Variants in UBE2G1 observed in about 807,000 individuals in gnomAD.
UBE2G1 encodes ubiquitin conjugating enzyme E2 G1, also known as ubiquitin-conjugating enzyme E2 G1.
UBE2G1 carries 5 observed loss-of-function variants against 22.7 expected under a neutral mutation model. That is an observed-to-expected ratio of 0.22 (90% confidence interval 0.12 to 0.46). The LOEUF is 0.46. UBE2G1 is among the 20% of genes least tolerant of loss of function. UBE2G1 has a pLI of 0.99. For missense variants in UBE2G1, 88 were observed against 203.9 expected (o/e 0.43, Z 3.46); for synonymous variants, 74 against 67.5 (o/e 1.10, Z -0.47).
At chr17:4,307,207 GT>G in intron 1 of UBE2G1, 84 bp from the exon 2 acceptor site, 2 of 1,185,708 alleles carry the variant, frequency 1.7e-6, no homozygotes, top group Non-Finnish European at 2.5e-6. Context: ...GAGCGTACAT[GT>G]TTTATGTAAG....
intron 1 of UBE2G1, among the ~76,000 whole-genome samples, chr17:4,346,726 G>A (rs1374638082): frequency 2.6e-5 from 4 of 151,544 alleles, no homozygotes; most frequent in Middle Eastern, 3.2e-3. Context: ...GAGCCACCGC[G>A]TCCAGCTCCA....
chr17:4,276,260 C>T (rs926934146), intron 5 of UBE2G1, among the ~76,000 whole-genome samples: 2 of 152,060 alleles, frequency 1.3e-5, no homozygotes, highest in African/African-American at 2.4e-5. Context: ...GTGCAATCTC[C>T]GCCTCCCAGG....
rs560367670 is a variant in UBE2G1, at chr17:4,272,495, G to A, written c.*59C>T. The A allele has an allele frequency of 3.2e-5, 6 of 186,604 alleles. No individual in the cohort carries two copies. The highest frequency in any genetic ancestry group is 4.8e-5 in the African/African-American group (2 of 41,548). 11.6% of individuals were successfully genotyped at this position (186,604 alleles called of 1,614,324 possible). ...GTGGGTAGAGTGCAGGAAAAACAGT[G>A]CCATGTTTCTCAATTGGAGACCTAC... On this transcript the variant is annotated 3_prime_UTR_variant, in exon 6 of 6. Transcript: ENST00000396981.
chr17:4,315,717 G>T (rs1392556530), intron 1 of UBE2G1, among the ~76,000 whole-genome samples: 1 of 149,628 alleles, frequency 6.7e-6, no homozygotes, highest in Non-Finnish European at 1.5e-5. Flanking sequence ...TCCAGCCTGG[G>T]CGAAAGAGCG....
chr17:4,359,871 A>C (rs1448194395), intron 1 of UBE2G1, among the ~76,000 whole-genome samples: 39 of 150,214 alleles, frequency 2.6e-4, no homozygotes, highest in Non-Finnish European at 3.4e-4. Context: ...AAAAAAACAA[A>C]CAAAAAAAAA....
chr17:4,323,080 C>T (rs111894936), intron 1 of UBE2G1, among the ~76,000 whole-genome samples: 1 of 152,112 alleles, frequency 6.6e-6, no homozygotes, highest in African/African-American at 2.4e-5. Context: ...ACAAACTTTC[C>T]CCCAATGAAT....
intron 1 of UBE2G1, among the ~76,000 whole-genome samples, chr17:4,351,125 G>T (rs1411893939): frequency 1.3e-5 from 2 of 151,956 alleles, no homozygotes; most frequent in African/African-American, 2.4e-5. Flanking sequence ...CCTCTGCCCA[G>T]GAGGCAGAGG....
At chr17:4,348,583 G>A (rs1224829098) in intron 1 of UBE2G1, among the ~76,000 whole-genome samples, 1 of 149,160 alleles carries the variant, frequency 6.7e-6, no homozygotes, top group Non-Finnish European at 1.5e-5. Context: ...TAAAGAACAG[G>A]CCGGGGGCAA....
At chr17:4,340,826 T>C (rs1306209288) in intron 1 of UBE2G1, among the ~76,000 whole-genome samples, 3 of 150,732 alleles carry the variant, frequency 2.0e-5, no homozygotes, top group Non-Finnish European at 4.4e-5. Flanking sequence ...CAGGCTGGTC[T>C]TGAACTCCTG....
intron 1 of UBE2G1, among the ~76,000 whole-genome samples, chr17:4,358,432 A>T (rs565497600): frequency 1.1e-4 from 16 of 151,348 alleles, no homozygotes; most frequent in Non-Finnish European, 1.5e-4. Flanking sequence ...CACCTGTCTA[A>T]TTTTGCCCAT....
intron 1 of UBE2G1, among the ~76,000 whole-genome samples, chr17:4,315,557 C>G (rs372361355): frequency 6.6e-6 from 1 of 151,362 alleles, no homozygotes; most frequent in South Asian, 2.1e-4. Flanking sequence ...TGGCTAACAC[C>G]GTGAAACCCC....
At chr17:4,276,146 C>G (rs1198653778) in intron 5 of UBE2G1, among the ~76,000 whole-genome samples, 1 of 152,164 alleles carries the variant, frequency 6.6e-6, no homozygotes, top group Non-Finnish European at 1.5e-5. Context: ...TCTATCCTAA[C>G]CACCTCAAAT....
chr17:4,334,578 G>A (rs1333904007), intron 1 of UBE2G1, among the ~76,000 whole-genome samples: 1 of 151,950 alleles, frequency 6.6e-6, no homozygotes, highest in Non-Finnish European at 1.5e-5. Context: ...AGTCTCTGTC[G>A]CCCAAGCTGG....
rs116584245 is a variant in UBE2G1, at chr17:4,281,985, A to T, written c.*37+813T>A. 4.9e-3 allele frequency among the ~76,000 whole-genome samples: 752 copies of T among 152,332 alleles called. 5 individuals carry two copies. Among genetic ancestry groups the T allele is most frequent in the African/African-American group, 0.018 (731 of 41,570 alleles). On this transcript the variant is annotated intron_variant, in intron 5 of 5. Coordinates refer to ENST00000396981, the MANE Select transcript of UBE2G1 (RefSeq NM_003342.5). ...TTTGACTCCTTTCTAGACCTAACAT[A>T]AAACTGTGGACAGATGTTATACAAT... is the stretch of plus-strand genomic sequence containing the variant.
chr17:4,355,804 G>A (rs1297159937), intron 1 of UBE2G1, among the ~76,000 whole-genome samples: 1 of 142,776 alleles, frequency 7.0e-6, no homozygotes, highest in Non-Finnish European at 1.5e-5. Flanking sequence ...GGGTTCAAGC[G>A]ATTCTCCCGC....
At chr17:4,336,554 A>G (rs1328401403) in intron 1 of UBE2G1, among the ~76,000 whole-genome samples, 2 of 151,982 alleles carry the variant, frequency 1.3e-5, no homozygotes, top group Non-Finnish European at 2.9e-5. Context: ...TTTTTGAGAC[A>G]GGGTCTTGCT....
intron 1 of UBE2G1, among the ~76,000 whole-genome samples, chr17:4,311,083 A>G (rs1335405348): frequency 6.6e-6 from 1 of 152,016 alleles, no homozygotes; most frequent in Admixed American, 6.6e-5. Flanking sequence ...AAAATTAGCC[A>G]GGCACAGTGA....
At chr17:4,273,577 A>G (rs1968785128) in intron 5 of UBE2G1, among the ~76,000 whole-genome samples, 1 of 152,088 alleles carries the variant, frequency 6.6e-6, no homozygotes. Flanking sequence ...CTACAGGCTC[A>G]AGCAACGCTG....
chr17:4,347,469 C>CTTTTTTTTTTTT (rs34014821), intron 1 of UBE2G1, among the ~76,000 whole-genome samples: 7 of 89,528 alleles, frequency 7.8e-5, no homozygotes, highest in Admixed American at 1.5e-4. Context: ...AGTATTTCTT[C>CTTTTTTTTTTTT]TTTTTTTTTT....
Sources: gnomAD v4.1 joint callset for allele counts (sites outside exome capture counted in the v4.1 genomes callset) on GRCh38, gnomAD v4.1.1 for gene constraint, MANE v1.5 for transcripts, NCBI Gene and HGNC (gene_info 2026-07-23, HGNC 2026-07-21) for gene names.